The following C1QBP variants were observed in gnomAD, a reference collection of about 807,000 sequenced individuals.
The protein encoded by C1QBP is complement C1q binding protein.
In C1QBP, 24 loss-of-function variants were observed where a neutral mutation model predicts 29.4. That is an observed-to-expected ratio of 0.82 (90% confidence interval 0.59 to 1.15). The LOEUF (loss-of-function observed/expected upper bound fraction) is 1.15, where lower values mean the gene tolerates loss of function less well. C1QBP is among the 50% of genes most tolerant of loss of function. The probability of loss-of-function intolerance (pLI) is 0.00; values close to 1 mark genes in which losing one functional copy is unlikely to be tolerated. For synonymous variants in C1QBP, 182 were observed against 149.2 expected, an observed-to-expected ratio of 1.22 and a Z score of -1.60; for missense variants, 337 against 355.8, an observed-to-expected ratio of 0.95 and a Z score of 0.43.
intron 4 of C1QBP, 86 bp from the exon 5 acceptor site, chr17:5,433,501 A>G: frequency 1.3e-6 from 2 of 1,578,162 alleles, no homozygotes; most frequent in Non-Finnish European, 1.7e-6. Context: ...GACAGCATGA[A>G]ACTCATCAGG....
chr17:5,432,839 T>G lies in C1QBP; in HGVS notation c.*176A>C, dbSNP rs1916119093. 2.1e-6 allele frequency: 2 copies of G among 935,324 alleles called. No homozygotes were observed. The highest frequency in any genetic ancestry group is 6.6e-5 in the Admixed American group (2 of 30,318). The allele number at this position is 935,324 out of a possible 1,614,324, so 57.9% of individuals were successfully genotyped here. A position where few individuals can be genotyped will look rare whatever the true frequency, so the allele number is the denominator to read the frequency against. ...TACAAAAATCTAGAAATAATAGATT[T>G]GTACAGAAAAAAATGATAATAAATG... On this transcript the variant is annotated 3_prime_UTR_variant, in exon 6 of 6. Transcript: ENST00000225698.
intron 2 of C1QBP, 64 bp downstream of exon 2, chr17:5,438,059 A>C (rs1916321828): frequency 6.4e-7 from 1 of 1,562,656 alleles, no homozygotes; most frequent in Admixed American, 1.9e-5. Flanking sequence ...TCTGGGGATG[A>C]CCCAGGATGG....
chr17:5,432,942 T>C lies in C1QBP; in HGVS notation c.*73A>G, dbSNP rs886513864. 5.0e-5 allele frequency: 75 copies of C among 1,496,698 alleles called. No individual in the cohort carries two copies. The highest frequency in any genetic ancestry group is 4.7e-4 in the Middle Eastern group (2 of 4,216). 92.7% of individuals were successfully genotyped at this position (1,496,698 alleles called of 1,614,324 possible). ...GATGATAATCATTTCAAAGCACATG[T>C]CTAGCTTCAGAGTAGGATTTGTTCA... On this transcript the variant is annotated 3_prime_UTR_variant, in exon 6 of 6. Transcript: ENST00000225698.
chr17:5,436,911 G>A (rs1916288608), intron 2 of C1QBP, among the ~76,000 whole-genome samples: 1 of 152,174 alleles, frequency 6.6e-6, no homozygotes, highest in Non-Finnish European at 1.5e-5. Flanking sequence ...GGAGGCTGAG[G>A]CAGGAGAATT....
intron 3 of C1QBP, chr17:5,433,972 T>G: frequency 1.7e-6 from 1 of 598,228 alleles, no homozygotes; most frequent in Non-Finnish European, 3.0e-6. Flanking sequence ...CACTGGGTTT[T>G]CAGTTAAGAA....
rs568863456 is a variant in C1QBP at position 5,433,270 on chromosome 17, C to T, written c.699+23G>A. The T allele has an allele frequency of 2.5e-6, 4 of 1,614,000 alleles. No individual in the cohort carries two copies. In the South Asian group the frequency reaches 4.4e-5, roughly 18 times the overall value. On this transcript the variant is annotated intron_variant, in intron 5 of 5. Transcript: ENST00000225698. ...CCTTCCTTCCAAGGCCCAAAAGGTT[C>T]CCCCACCTTATCAAGCACTCACCCA... is the stretch of plus-strand genomic sequence containing the variant.
intron 1 of C1QBP, 87 bp from the exon 2 acceptor site, chr17:5,438,360 T>C: frequency 6.8e-7 from 1 of 1,470,170 alleles, no homozygotes; most frequent in Non-Finnish European, 9.2e-7. Context: ...GCCAGAAACC[T>C]GGACTGTTTC....
At chr17:5,434,612 GACC>G in intron 3 of C1QBP, 1 of 263,484 alleles carries the variant, frequency 3.8e-6, no homozygotes, top group Non-Finnish European at 7.7e-6. Context: ...GGATTACAGG[GACC>G]TGCCACCATG....
intron 2 of C1QBP, among the ~76,000 whole-genome samples, chr17:5,437,006 G>A (rs1436949562): frequency 6.6e-6 from 1 of 152,070 alleles, no homozygotes; most frequent in Non-Finnish European, 1.5e-5. Context: ...GACTCCGTGG[G>A]GTTGGGGGGG....
intron 3 of C1QBP, 121 bp from the exon 4 acceptor site, chr17:5,433,888 AGT>A: frequency 2.3e-6 from 2 of 856,756 alleles, no homozygotes; most frequent in Non-Finnish European, 3.9e-6. Flanking sequence ...CCATTTGAAT[AGT>A]CTTATGCCAT....
Position 5,433,772 on chromosome 17 carries a change from G to C in C1QBP, c.478-5C>G, listed in dbSNP as rs1333952671. The C allele has an allele frequency of 1.2e-6, 2 of 1,613,128 alleles. No homozygotes were observed. The highest frequency in any genetic ancestry group is 4.5e-5 in the East Asian group (2 of 44,892). On this transcript the variant is annotated splice_polypyrimidine_tract_variant and splice_region_variant and intron_variant, in intron 3 of 5. Coordinates refer to ENST00000225698, the MANE Select transcript of C1QBP (RefSeq NM_001212.4). ...GGGAGTTGATGTCAGTTCAGGCTGG[G>C]GAAACAAGAAGTCAATACATGCTGC...
chr17:5,438,265 CTT>C lies in C1QBP; in HGVS notation c.239_240del (p.Lys80SerfsTer4), dbSNP rs1217636933. 1 of 1,613,316 alleles carries C rather than the reference CTT, an allele frequency of 6.2e-7. No individual in the cohort carries two copies. The highest frequency in any genetic ancestry group is 8.5e-7 in the Non-Finnish European group (1 of 1,179,746). The stretch of plus-strand genomic sequence containing the variant: ...TCATCACTCAGGAAATCAACAAAAG[CTT>C]TGTCTCCTAGAAAAGAAATCCAGAT... ...GCGSLHTDGD[K>X]AFVDFLSDEI... On this transcript the variant is annotated frameshift_variant, in exon 2 of 6. Transcript: ENST00000225698. LOFTEE classifies it high-confidence loss of function.
intron 3 of C1QBP, among the ~76,000 whole-genome samples, chr17:5,434,492 A>G (rs1362955803): frequency 5.9e-5 from 6 of 101,250 alleles, no homozygotes; most frequent in African/African-American, 1.3e-4. Flanking sequence ...TTTTTGAGAC[A>G]GAGTCTTGCT....
At position 5,439,100 on chromosome 17, in the gene C1QBP, G is replaced by A. The variant is rs568579781; in HGVS notation, c.-27C>T. ...GCGGAAACGACTGCGAACACGTGCA[G>A]ATGCAAAGGACAACCCAGGCCTAGG... On this transcript the variant is annotated 5_prime_UTR_variant, in exon 1 of 6. Coordinates refer to ENST00000225698, the MANE Select transcript of C1QBP (RefSeq NM_001212.4). 7.8e-6 allele frequency: 12 copies of A among 1,540,110 alleles called. No individual in the cohort carries two copies. The highest frequency in any genetic ancestry group is 3.9e-5 in the Admixed American group (2 of 50,698).
chr17:5,435,660 G>C (rs1037125948), intron 2 of C1QBP, among the ~76,000 whole-genome samples: 2 of 152,084 alleles, frequency 1.3e-5, no homozygotes, highest in African/African-American at 4.8e-5. Context: ...CAAAGTTTGA[G>C]TCAAAATTCT....
intron 1 of C1QBP, 146 bp from the exon 2 acceptor site, chr17:5,438,419 T>C: frequency 2.8e-6 from 3 of 1,058,738 alleles, no homozygotes; most frequent in Non-Finnish European, 4.0e-6. Context: ...TCCTTATCGG[T>C]AAAAATACCA....
Position 5,439,150 on chromosome 17 carries a change from G to T in C1QBP, c.-77C>A. ...GCGCCCCGCGACCTGAGGCGCCGCC[G>T]GAAGCCCCGCCCCTGCCCGGAAGCG... is the stretch of plus-strand genomic sequence containing the variant. On this transcript the variant is annotated 5_prime_UTR_variant, in exon 1 of 6. Transcript: ENST00000225698. 6.6e-7 allele frequency: 1 copy of T among 1,518,594 alleles called. No homozygotes were observed. 94.1% of individuals were successfully genotyped at this position (1,518,594 alleles called of 1,614,324 possible). A position where few individuals can be genotyped will look rare whatever the true frequency, so the allele number is the denominator to read the frequency against.
At chr17:5,433,483 G>A in intron 4 of C1QBP, 68 bp from the exon 5 acceptor site, 1 of 1,596,620 alleles carries the variant, frequency 6.3e-7, no homozygotes, top group Admixed American at 1.7e-5. Flanking sequence ...GGAAGAAAGG[G>A]GGCCACTGAC....
chr17:5,433,311 G>A lies in C1QBP; in HGVS notation c.681C>T (p.Asn227=), dbSNP rs1916155847. Residue 227 remains asparagine (N), a synonymous_variant, in exon 5 of 6, where the codon AAC becomes AAT. Coordinates refer to ENST00000225698, the MANE Select transcript of C1QBP (RefSeq NM_001212.4). ...CACTCACCCAGTCCAAGGAATCTGT[G>A]TTGAGTGTATAATTAGTATCCTTCC... ...SEWKDTNYTL[N]TDSLDWALYD... is the part of the protein sequence containing the mutation. The A allele has an allele frequency of 6.2e-7, 1 of 1,614,194 alleles. No homozygotes were observed. Among genetic ancestry groups the A allele is most frequent in the African/African-American group, 1.3e-5 (1 of 75,046 alleles).
Sources: gnomAD v4.1 joint callset for allele counts (sites outside exome capture counted in the v4.1 genomes callset) on GRCh38, gnomAD v4.1.1 for gene constraint, MANE v1.5 for transcripts, NCBI Gene and HGNC (gene_info 2026-07-23, HGNC 2026-07-21) for gene names.